The following CNTN4 variants were observed in gnomAD, a reference collection of about 807,000 sequenced individuals.
CNTN4 encodes contactin 4.
A neutral mutation model predicts 122.5 loss-of-function variants in CNTN4; 77 were observed. That is an observed-to-expected ratio of 0.63 (90% CI 0.52 to 0.76). The LOEUF (loss-of-function observed/expected upper bound fraction) is 0.76, where lower values mean the gene tolerates loss of function less well. CNTN4 is among the 30% of genes least tolerant of loss of function. CNTN4 has a pLI of 0.00. For missense variants in CNTN4, 1,256 were observed against 1,259.1 expected (o/e 1.00, Z 0.04); for synonymous variants, 512 against 447.0 (o/e 1.15, Z -1.83).
chr3:2,583,772 C>A (rs1032821390), intron 4 of CNTN4, among the ~76,000 whole-genome samples: 6 of 152,002 alleles, frequency 3.9e-5, no homozygotes, highest in Non-Finnish European at 4.4e-5. Flanking sequence ...TTATTGGGTA[C>A]TGATAGATGT....
chr3:2,157,325 T>A (rs2035764604), intron 2 of CNTN4, among the ~76,000 whole-genome samples: 1 of 152,078 alleles, frequency 6.6e-6, no homozygotes, highest in Non-Finnish European at 1.5e-5. Context: ...GGAGGAGGTG[T>A]GCACTCCGAC....
chr3:2,619,828 T>G (rs2081925693), intron 4 of CNTN4, among the ~76,000 whole-genome samples: 1 of 152,248 alleles, frequency 6.6e-6, no homozygotes, highest in Non-Finnish European at 1.5e-5. Context: ...ATATCCTCTC[T>G]GTTCACAAAA....
At chr3:2,816,464 A>T (rs1042154891) in intron 6 of CNTN4, among the ~76,000 whole-genome samples, 1 of 152,014 alleles carries the variant, frequency 6.6e-6, no homozygotes, top group East Asian at 1.9e-4. Flanking sequence ...AAAAGACTAC[A>T]AATATAGTGC....
At chr3:2,569,018 A>G (rs533442427) in intron 3 of CNTN4, among the ~76,000 whole-genome samples, 1 of 152,326 alleles carries the variant, frequency 6.6e-6, no homozygotes, top group African/African-American at 2.4e-5. Context: ...TAAGACATTA[A>G]TAGTTTTCAT....
In CNTN4 at chr3:2,344,425, G is replaced by A. The variant is rs528116215; in HGVS notation, c.-89+5192G>A. On this transcript the variant is annotated intron_variant, in intron 3 of 24. Transcript: ENST00000418658. ...CTCGTGAATAGCTGGGATTACAGGC[G>A]TCTGCCACCGCACCCAGCTAATTTT... Among the ~76,000 whole-genome samples, 9 of 152,014 alleles carry A rather than the reference G, an allele frequency of 5.9e-5. No homozygotes were observed. The South Asian group carries it at 6.2e-4, about 11-fold the overall frequency.
At chr3:2,805,471 A>G (rs1252836793) in intron 6 of CNTN4, among the ~76,000 whole-genome samples, 1 of 152,150 alleles carries the variant, frequency 6.6e-6, no homozygotes, top group Non-Finnish European at 1.5e-5. Flanking sequence ...GAAAATGAGA[A>G]TGTAGCTGGA....
At chr3:2,848,938 CG>C (rs1335121477) in intron 7 of CNTN4, among the ~76,000 whole-genome samples, 2 of 152,230 alleles carry the variant, frequency 1.3e-5, no homozygotes, top group East Asian at 3.9e-4. Context: ...TACTAAGAGT[CG>C]GGGAGAAATG....
At chr3:2,435,711 GA>G (rs1320595385) in intron 3 of CNTN4, among the ~76,000 whole-genome samples, 1 of 152,116 alleles carries the variant, frequency 6.6e-6, no homozygotes, top group Non-Finnish European at 1.5e-5. Flanking sequence ...ACATACAAGG[GA>G]TGTTCCTCTA....
Position 2,177,270 on chromosome 3 carries a change from C to T in CNTN4, c.-145+76631C>T, listed in dbSNP as rs544252349. ...CATTTTATTACAGGATGGAATTCAA[C>T]ATTTTCAATGTGATTTTCATGTATT... On this transcript the variant is annotated intron_variant, in intron 2 of 24. Transcript: ENST00000418658. Among the ~76,000 whole-genome samples, 5 of 152,246 alleles carry T rather than the reference C, an allele frequency of 3.3e-5. No homozygotes were observed. The South Asian group carries it at 1.0e-3, about 32-fold the overall frequency.
rs563513988 is a variant in CNTN4, at chr3:3,053,863, A to T, written c.2868A>T (p.Thr956=). 1 of 1,614,122 alleles carries T rather than the reference A, an allele frequency of 6.2e-7. No homozygotes were observed. The highest frequency in any genetic ancestry group is 8.5e-7 in the Non-Finnish European group (1 of 1,179,946). Residue 956 remains threonine (T), a synonymous_variant, in exon 24 of 25, where the codon ACA becomes ACT. Coordinates refer to ENST00000418658, the MANE Select transcript of CNTN4 (RefSeq NM_175607.3). ...CATCTGTCATTGAAACAAATAAAAC[A>T]TCGGTGGAGCTTTCTTTGCCTTTCG... ...SSTSVIETNK[T]SVELSLPFDE...
intron 3 of CNTN4, among the ~76,000 whole-genome samples, chr3:2,544,661 G>C (rs970155578): frequency 6.6e-6 from 1 of 151,878 alleles, no homozygotes; most frequent in Non-Finnish European, 1.5e-5. Context: ...GTGCATTGAA[G>C]TGTTCATGGT....
intron 2 of CNTN4, among the ~76,000 whole-genome samples, chr3:2,246,105 A>T (rs1359175981): frequency 6.6e-6 from 1 of 151,986 alleles, no homozygotes; most frequent in Non-Finnish European, 1.5e-5. Context: ...ACAGATTAAA[A>T]TTTTAACCCT....
intron 13 of CNTN4, among the ~76,000 whole-genome samples, chr3:2,957,636 A>T (rs772861821): frequency 4.0e-5 from 6 of 151,808 alleles, no homozygotes; most frequent in African/African-American, 7.3e-5. Context: ...TGTTTTTCTC[A>T]TTCTATGTCC....
In CNTN4 at chr3:2,281,607, C is replaced by G. The variant is rs187974195; in HGVS notation, c.-144-57571C>G. The stretch of plus-strand genomic sequence containing the variant: ...GCCTGGCAATGTCATTATATACCAA[C>G]TGATACGTTTTTACTTTTCCCAATT... On this transcript the variant is annotated intron_variant, in intron 2 of 24. Transcript: ENST00000418658. Among the ~76,000 whole-genome samples the G allele has an allele frequency of 2.1e-3, 327 of 152,190 alleles. 2 individuals are homozygous for G. The highest frequency in any genetic ancestry group is 5.0e-3 in the African/African-American group (206 of 41,544).
At chr3:2,185,552 GT>G (rs2149305595) in intron 2 of CNTN4, among the ~76,000 whole-genome samples, 1 of 152,238 alleles carries the variant, frequency 6.6e-6, no homozygotes, top group Non-Finnish European at 1.5e-5. Flanking sequence ...TATCCCCACA[GT>G]GTATGCTATG....
At chr3:2,712,647 T>C (rs1559418196) in intron 4 of CNTN4, among the ~76,000 whole-genome samples, 2 of 152,222 alleles carry the variant, frequency 1.3e-5, no homozygotes, top group Admixed American at 1.3e-4. Context: ...ATCTCCAAAG[T>C]GCTGTTTTTC....
intron 3 of CNTN4, among the ~76,000 whole-genome samples, chr3:2,358,697 A>G (rs575449963): frequency 6.6e-6 from 1 of 152,148 alleles, no homozygotes; most frequent in African/African-American, 2.4e-5. Flanking sequence ...AATCAGTACT[A>G]AAGTGCATAG....
intron 4 of CNTN4, 115 bp downstream of exon 4, chr3:2,571,673 T>A (rs180795954): frequency 6.5e-6 from 5 of 773,266 alleles, no homozygotes; most frequent in Admixed American, 3.8e-5. Flanking sequence ...TATATGCTGC[T>A]ATGACTAGCA....
At chr3:2,456,370 A>G (rs2049000674) in intron 3 of CNTN4, among the ~76,000 whole-genome samples, 1 of 152,166 alleles carries the variant, frequency 6.6e-6, no homozygotes, top group African/African-American at 2.4e-5. Flanking sequence ...TGAAATTCAC[A>G]TAACATAGAA....
Sources: gnomAD v4.1 joint callset for allele counts (sites outside exome capture counted in the v4.1 genomes callset) on GRCh38, gnomAD v4.1.1 for gene constraint, MANE v1.5 for transcripts, NCBI Gene and HGNC (gene_info 2026-07-23, HGNC 2026-07-21) for gene names.